BPNT1: variants seen among roughly 807,000 people sequenced by gnomAD.
The protein encoded by BPNT1 is 3'(2'), 5'-bisphosphate nucleotidase 1.
In BPNT1, 28 loss-of-function variants were observed where a neutral mutation model predicts 36.9. The ratio of observed to expected loss-of-function variants is 0.76; its 90% CI spans 0.56 to 1.04. The LOEUF (loss-of-function observed/expected upper bound fraction) is 1.04. BPNT1 is among the 50% of genes least tolerant of loss of function. The pLI, the probability that BPNT1 is intolerant of heterozygous loss-of-function variation, is 0.00. For synonymous variants in BPNT1, 119 were observed against 130.9 expected, an observed-to-expected ratio of 0.91 and a Z score of 0.62; for missense variants, 313 against 372.9, an observed-to-expected ratio of 0.84 and a Z score of 1.32.
At chr1:220,067,444 C>A in intron 5 of BPNT1, 51 bp from the exon 6 acceptor site, 1 of 1,258,310 alleles carries the variant, frequency 7.9e-7, no homozygotes. Flanking sequence ...TATTATGACT[C>A]ATCATTACTA....
chr1:220,062,287 TC>T (rs1342229371), intron 7 of BPNT1, among the ~76,000 whole-genome samples: 1 of 89,816 alleles, frequency 1.1e-5, no homozygotes, highest in Admixed American at 1.4e-4. Flanking sequence ...ATGCTATCCC[TC>T]CCCCCTCCCC....
chr1:220,070,538 G>A (rs1663968924), intron 4 of BPNT1, among the ~76,000 whole-genome samples: 1 of 151,662 alleles, frequency 6.6e-6, no homozygotes, highest in South Asian at 2.1e-4. Flanking sequence ...GTAGAGATAG[G>A]GTTTCACCGT....
chr1:220,088,752 TG>T (rs1655997360), intron 1 of BPNT1, among the ~76,000 whole-genome samples: 1 of 147,178 alleles, frequency 6.8e-6, no homozygotes, highest in Non-Finnish European at 1.5e-5. Flanking sequence ...ATGGCACCAC[TG>T]TACTCCAGCC....
intron 2 of BPNT1, among the ~76,000 whole-genome samples, chr1:220,079,432 T>C (rs2102738179): frequency 6.6e-6 from 1 of 151,956 alleles, no homozygotes; most frequent in South Asian, 2.1e-4. Context: ...TTTTGTATCT[T>C]TAGTAGAGAT....
chr1:220,076,197 C>T (rs1471421322), intron 2 of BPNT1, among the ~76,000 whole-genome samples: 3 of 151,612 alleles, frequency 2.0e-5, no homozygotes, highest in Non-Finnish European at 2.9e-5. Flanking sequence ...AGAAACCCTG[C>T]CTCTACTAAA....
intron 3 of BPNT1, 58 bp downstream of exon 3, chr1:220,073,909 A>T: frequency 7.3e-7 from 1 of 1,375,780 alleles, no homozygotes; most frequent in Admixed American, 1.8e-5. Flanking sequence ...TTAAAGTGTC[A>T]GTTATAAATC....
chr1:220,073,518 T>C (rs1424755602), intron 3 of BPNT1, among the ~76,000 whole-genome samples: 1 of 152,136 alleles, frequency 6.6e-6, no homozygotes, highest in African/African-American at 2.4e-5. Context: ...GGTCTTGAAC[T>C]CCTGACCTCG....
chr1:220,080,492 G>A (rs776900948), intron 1 of BPNT1, among the ~76,000 whole-genome samples: 1 of 152,200 alleles, frequency 6.6e-6, no homozygotes, highest in Non-Finnish European at 1.5e-5. Context: ...AGTTCAGCAT[G>A]GGTGGGGAGG....
intron 5 of BPNT1, among the ~76,000 whole-genome samples, chr1:220,069,162 C>T (rs1437281498): frequency 1.3e-5 from 2 of 152,076 alleles, no homozygotes; most frequent in African/African-American, 4.8e-5. Context: ...AAGTGTGGGG[C>T]TGGTGGAGTA....
chr1:220,057,944 G>T lies in BPNT1; in HGVS notation c.*900C>A. 1.0e-6 allele frequency: 1 copy of T among 962,146 alleles called. No homozygotes were observed. 59.6% of individuals were successfully genotyped at this position (962,146 alleles called of 1,614,324 possible). A position where few individuals can be genotyped will look rare whatever the true frequency, so the allele number is the denominator to read the frequency against. On this transcript the variant is annotated 3_prime_UTR_variant, in exon 9 of 9. Coordinates refer to ENST00000322067, the MANE Select transcript of BPNT1 (RefSeq NM_006085.6). ...TGTAATCCCAGCACTTTGGGAGTCCGAGGCAGACAGATCACGATGTCAGGA... is the reference window on the plus strand; with the variant it reads ...TGTAATCCCAGCACTTTGGGAGTCCTAGGCAGACAGATCACGATGTCAGGA...
Position 220,058,250 on chromosome 1 carries a change from C to G in BPNT1, c.*594G>C. 1 of 989,092 alleles carries G rather than the reference C, an allele frequency of 1.0e-6. No individual in the cohort carries two copies. Among genetic ancestry groups the G allele is most frequent in the South Asian group, 4.6e-5 (1 of 21,696 alleles). 61.3% of individuals were successfully genotyped at this position (989,092 alleles called of 1,614,324 possible). A position where few individuals can be genotyped will look rare whatever the true frequency, so the allele number is the denominator to read the frequency against. ...CATTGACCTGAACTGTCAATTGGAACTAAAGCTTTTTCTCATTTCTCCACC... is the reference window on the plus strand; with the variant it reads ...CATTGACCTGAACTGTCAATTGGAAGTAAAGCTTTTTCTCATTTCTCCACC... On this transcript the variant is annotated 3_prime_UTR_variant, in exon 9 of 9. Coordinates refer to ENST00000322067, the MANE Select transcript of BPNT1 (RefSeq NM_006085.6).
At chr1:220,082,083 TATAGAGAGAGAG>T (rs1393984360) in intron 1 of BPNT1, among the ~76,000 whole-genome samples, 31 of 110,838 alleles carry the variant, frequency 2.8e-4, no homozygotes, top group Admixed American at 8.0e-4. Flanking sequence ...TATATATATA[TATAGAGAGAGAG>T]AGAGAGAGAG....
chr1:220,070,509 C>A (rs1347761673), intron 4 of BPNT1, among the ~76,000 whole-genome samples: 2 of 151,996 alleles, frequency 1.3e-5, no homozygotes, highest in African/African-American at 4.8e-5. Flanking sequence ...CCACACCCAG[C>A]TAATTTTTTG....
At chr1:220,075,235 G>T (rs1413874536) in intron 2 of BPNT1, among the ~76,000 whole-genome samples, 1 of 151,980 alleles carries the variant, frequency 6.6e-6, no homozygotes, top group Non-Finnish European at 1.5e-5. Context: ...GTAGAGATGG[G>T]GTTTCACCAT....
intron 1 of BPNT1, among the ~76,000 whole-genome samples, chr1:220,084,514 T>A (rs745610350): frequency 6.6e-6 from 1 of 152,190 alleles, no homozygotes; most frequent in Non-Finnish European, 1.5e-5. Context: ...ATTTTAATTA[T>A]GTGTTCGTAT....
At chr1:220,075,527 A>G (rs1483403441) in intron 2 of BPNT1, among the ~76,000 whole-genome samples, 1 of 152,216 alleles carries the variant, frequency 6.6e-6, no homozygotes, top group Non-Finnish European at 1.5e-5. Context: ...TAGGTGCTCT[A>G]TAAGTATCTT....
At chr1:220,059,243 C>CTTTTTTTTTTTTTTTTTT (rs11292010) in intron 8 of BPNT1, among the ~76,000 whole-genome samples, 5 of 57,872 alleles carry the variant, frequency 8.6e-5, no homozygotes, top group African/African-American at 2.3e-4. Flanking sequence ...ATTTTCTTTT[C>CTTTTTTTTTTTTTTTTTT]TTTTTTTTTT....
chr1:220,059,438 G>T (rs1571718504), intron 8 of BPNT1, among the ~76,000 whole-genome samples: 1 of 148,378 alleles, frequency 6.7e-6, no homozygotes, highest in Non-Finnish European at 1.5e-5. Flanking sequence ...CTATAAATAA[G>T]GGCTAAATTA....
intron 4 of BPNT1, among the ~76,000 whole-genome samples, chr1:220,070,319 A>G (rs897954519): frequency 6.6e-6 from 1 of 152,090 alleles, no homozygotes; most frequent in African/African-American, 2.4e-5. Context: ...CATGTTTCTG[A>G]TGGAGAACAC....
Sources: allele counts gnomAD v4.1 joint callset (sites outside exome capture counted in the v4.1 genomes callset), GRCh38; gene constraint gnomAD v4.1.1; transcripts MANE v1.5; gene names NCBI Gene and HGNC (gene_info 2026-07-23, HGNC 2026-07-21).